Variants in NEK4 observed in about 807,000 individuals in gnomAD.
NEK4 encodes serine/threonine-protein kinase Nek4.
Under a neutral mutation model 98.4 loss-of-function variants are expected in NEK4, and 86 were observed. That is an observed-to-expected ratio of 0.87 (90% CI 0.73 to 1.05). The LOEUF is 1.05. NEK4 is among the 50% of genes least tolerant of loss of function. The pLI, the probability that NEK4 is intolerant of heterozygous loss-of-function variation, is 0.00. For missense variants in NEK4, 898 were observed against 950.3 expected (o/e 0.94, Z 0.72); for synonymous variants, 328 against 342.2 (o/e 0.96, Z 0.46).
At chr3:52,743,504 C>T (rs962810745) in intron 11 of NEK4, 43 bp from the exon 12 acceptor site, 1 of 1,505,072 alleles carries the variant, frequency 6.6e-7, no homozygotes, top group Non-Finnish European at 9.2e-7. Flanking sequence ...TGGTGGGCTG[C>T]CCCAGTTGAA....
At chr3:52,730,242 T>C (rs537118740) in intron 15 of NEK4, among the ~76,000 whole-genome samples, 5 of 152,220 alleles carry the variant, frequency 3.3e-5, no homozygotes, top group East Asian at 3.9e-4. Context: ...CACAAAGAAA[T>C]AGAAAATCTG....
At chr3:52,715,373 G>C (rs1381177374) in intron 15 of NEK4, among the ~76,000 whole-genome samples, 1 of 152,166 alleles carries the variant, frequency 6.6e-6, no homozygotes, top group Non-Finnish European at 1.5e-5. Context: ...GCCCCCTGCG[G>C]ATCTCCTCTG....
At chr3:52,732,624 C>A in intron 15 of NEK4, 1 of 305,932 alleles carries the variant, frequency 3.3e-6, no homozygotes, top group East Asian at 9.0e-5. Context: ...CTACAGAATT[C>A]TCTCAGGAGG....
At position 52,711,872 on chromosome 3, in the gene NEK4, A is replaced by G. The variant is rs2097350754; in HGVS notation, c.2434-3T>C. 1.3e-6 allele frequency: 2 copies of G among 1,568,044 alleles called. No homozygotes were observed. The highest frequency in any genetic ancestry group is 1.4e-5 in the African/African-American group (1 of 73,850). ...CCCATGTGCTCCCGCAAACGTACCT[A>G]TTTGAGAAACAAAAAGAAAATCAAT... On this transcript the variant is annotated splice_polypyrimidine_tract_variant and splice_region_variant and intron_variant, in intron 15 of 15. Coordinates refer to ENST00000233027, the MANE Select transcript of NEK4 (RefSeq NM_003157.6).
At chr3:52,748,017 T>C (rs933714545) in intron 8 of NEK4, among the ~76,000 whole-genome samples, 1 of 152,010 alleles carries the variant, frequency 6.6e-6, no homozygotes, top group African/African-American at 2.4e-5. Flanking sequence ...TGGAGTGCAA[T>C]GGCGCGATCT....
intron 6 of NEK4, among the ~76,000 whole-genome samples, chr3:52,752,900 C>CAAAAAAAAAAAAAAAAAAAAAAAA (rs71087016): frequency 4.0e-5 from 2 of 49,934 alleles, no homozygotes; most frequent in African/African-American, 8.0e-5. Flanking sequence ...AACCCTGCCT[C>CAAAAAAAAAAAAAAAAAAAAAAAA]AAAAAAAAAA....
intron 4 of NEK4, among the ~76,000 whole-genome samples, chr3:52,764,883 G>A (rs1056067416): frequency 6.6e-6 from 1 of 152,114 alleles, no homozygotes; most frequent in African/African-American, 2.4e-5. Context: ...ATCTTCCAGG[G>A]AATGGGAATA....
Position 52,711,207 on chromosome 3 carries a change from A to T in NEK4, c.*570T>A, listed in dbSNP as rs1409976170. On this transcript the variant is annotated 3_prime_UTR_variant, in exon 16 of 16. Transcript: ENST00000233027. ...TGAGGTTTATATTAAATGAGAATAAAATATTAAAAGTCCATCAATGTGTAG... is the reference window on the plus strand; with the variant it reads ...TGAGGTTTATATTAAATGAGAATAATATATTAAAAGTCCATCAATGTGTAG... 1 of 152,344 alleles carries T rather than the reference A, an allele frequency of 6.6e-6. No homozygotes were observed. The highest frequency in any genetic ancestry group is 2.4e-5 in the African/African-American group (1 of 41,458). The allele number at this position is 152,344 out of a possible 1,614,324, so 9.4% of individuals were successfully genotyped here.
At chr3:52,722,111 C>G (rs567389425) in intron 15 of NEK4, among the ~76,000 whole-genome samples, 1 of 152,318 alleles carries the variant, frequency 6.6e-6, no homozygotes, top group South Asian at 2.1e-4. Context: ...CCTACCCCTC[C>G]CTTATTCTGA....
Position 52,711,548 on chromosome 3 carries a change from T to C in NEK4, c.*229A>G, listed in dbSNP as rs950155810. On this transcript the variant is annotated 3_prime_UTR_variant, in exon 16 of 16. Coordinates refer to ENST00000233027, the MANE Select transcript of NEK4 (RefSeq NM_003157.6). ...AACAGTAATCAAACAAACAACAGATTTGTCCTCACAAAGAGAATATGAAAG... is the reference window on the plus strand; with the variant it reads ...AACAGTAATCAAACAAACAACAGATCTGTCCTCACAAAGAGAATATGAAAG... 4.0e-5 allele frequency: 15 copies of C among 371,300 alleles called. No homozygotes were observed. The highest frequency in any genetic ancestry group is 6.3e-5 in the Non-Finnish European group (13 of 207,924). The allele number at this position is 371,300 out of a possible 1,614,324, so 23.0% of individuals were successfully genotyped here.
At chr3:52,747,869 CAGGA>C (rs1357255613) in intron 8 of NEK4, among the ~76,000 whole-genome samples, 4 of 151,812 alleles carry the variant, frequency 2.6e-5, no homozygotes, top group African/African-American at 9.7e-5. Flanking sequence ...TGTATGAGTC[CAGGA>C]GGTCAAGGCT....
At chr3:52,738,313 G>T (rs1012476400) in intron 14 of NEK4, among the ~76,000 whole-genome samples, 2 of 151,314 alleles carry the variant, frequency 1.3e-5, no homozygotes, top group African/African-American at 4.9e-5. Flanking sequence ...ATGTTGTCCC[G>T]GTTGGTCTTG....
intron 13 of NEK4, among the ~76,000 whole-genome samples, chr3:52,740,819 A>G (rs1347893804): frequency 2.0e-5 from 3 of 151,330 alleles, no homozygotes; most frequent in African/African-American, 7.3e-5. Context: ...AATAAAATAT[A>G]TTTTTAAAAA....
intron 6 of NEK4, among the ~76,000 whole-genome samples, chr3:52,752,562 G>A (rs1236585944): frequency 6.6e-6 from 1 of 151,984 alleles, no homozygotes; most frequent in East Asian, 1.9e-4. Context: ...TCAAAAGGCG[G>A]AAACAACCCA....
At chr3:52,735,946 T>C (rs919457871) in intron 15 of NEK4, among the ~76,000 whole-genome samples, 2 of 152,220 alleles carry the variant, frequency 1.3e-5, no homozygotes, top group Non-Finnish European at 2.9e-5. Flanking sequence ...CATTTAAAAA[T>C]TGGAATCTAA....
chr3:52,754,390 A>C, intron 6 of NEK4: 1 of 464,486 alleles, frequency 2.2e-6, no homozygotes, highest in Non-Finnish European at 4.3e-6. Context: ...AGATTGATAC[A>C]AAAAGCCCCC....
Position 52,752,900 on chromosome 3 carries a change from C to CAAAA in NEK4, c.964-568_964-565dup, listed in dbSNP as rs71087016. On this transcript the variant is annotated intron_variant, in intron 6 of 15. Coordinates refer to ENST00000233027, the MANE Select transcript of NEK4 (RefSeq NM_003157.6). ...GGGCAACAGGAGTGAAACCCTGCCTCAAAAAAAAAAAAAAAAAATATATAT... is the reference window on the plus strand; with the variant it reads ...GGGCAACAGGAGTGAAACCCTGCCTCAAAAAAAAAAAAAAAAAAAAAATATATAT... Among the ~76,000 whole-genome samples, 174 of 49,870 alleles carry CAAAA rather than the reference C, an allele frequency of 3.5e-3. 13 individuals are homozygous for CAAAA. Among genetic ancestry groups the CAAAA allele is most frequent in the African/African-American group, 0.011 (135 of 12,440 alleles). 32.7% of individuals were successfully genotyped at this position (49,870 alleles called of 152,430 possible). A position where few individuals can be genotyped will look rare whatever the true frequency, so the allele number is the denominator to read the frequency against.
chr3:52,755,447 C>G (rs368878646), intron 6 of NEK4, among the ~76,000 whole-genome samples: 2 of 151,614 alleles, frequency 1.3e-5, no homozygotes, highest in Admixed American at 1.3e-4. Context: ...ATCATCAACA[C>G]CCTTATGTGA....
At chr3:52,768,853 T>G (rs1018962864) in intron 1 of NEK4, among the ~76,000 whole-genome samples, 2 of 152,192 alleles carry the variant, frequency 1.3e-5, no homozygotes, top group African/African-American at 4.8e-5. Context: ...ATTTCACAAT[T>G]TCATTAATGA....
Sources: gnomAD v4.1 joint callset for allele counts (sites outside exome capture counted in the v4.1 genomes callset) on GRCh38, gnomAD v4.1.1 for gene constraint, MANE v1.5 for transcripts, NCBI Gene and HGNC (gene_info 2026-07-23, HGNC 2026-07-21) for gene names.